PSTPIP1: variants seen among roughly 807,000 people sequenced by gnomAD.
PSTPIP1 encodes the protein proline-serine-threonine phosphatase-interacting protein 1.
A neutral mutation model predicts 69.6 loss-of-function variants in PSTPIP1; 66 were observed. That is an observed-to-expected ratio of 0.95 (90% confidence interval 0.78 to 1.16). The LOEUF is 1.16. Among genes scored for constraint, PSTPIP1 ranks in the 50% most tolerant of loss-of-function variants. The probability of loss-of-function intolerance (pLI) is 0.00; values close to 1 mark genes in which losing one functional copy is unlikely to be tolerated. For missense variants in PSTPIP1, 603 were observed against 557.4 expected, an observed-to-expected ratio of 1.08 and a Z score of -0.82; for synonymous variants, 266 against 222.7, an observed-to-expected ratio of 1.19 and a Z score of -1.73.
At position 77,018,214 on chromosome 15, in the gene PSTPIP1, A is replaced by G. The variant is rs1390777922; in HGVS notation, c.103A>G (p.Met35Val). 5.7e-6 allele frequency: 9 copies of G among 1,588,020 alleles called. No individual in the cohort carries two copies. The highest frequency in any genetic ancestry group is 7.7e-6 in the Non-Finnish European group (9 of 1,168,176). ...GCAGCGGCTTCTGGATGGCAGGAAG[A>G]TGTGCAAAGACATGGAGGAGCTACT... is the stretch of plus-strand genomic sequence containing the variant. ...LLQRLLDGRK[M>V]CKDMEELLRQ... The change falls in exon 2 of 15, where the codon ATG (methionine) becomes GTG (valine). Residue 35 changes from methionine to valine, a missense_variant. Physicochemically the swap from Met to Val is conservative, Grantham distance 21. Transcript: ENST00000558012.
chr15:77,030,096 G>A (rs555175503), intron 8 of PSTPIP1, among the ~76,000 whole-genome samples: 33 of 152,190 alleles, frequency 2.2e-4, no homozygotes, highest in Admixed American at 1.9e-3. Flanking sequence ...CCCTCGGCTG[G>A]GGGACAGGTG....
At chr15:77,025,956 T>C (rs747292223) in intron 5 of PSTPIP1, among the ~76,000 whole-genome samples, 2 of 152,070 alleles carry the variant, frequency 1.3e-5, no homozygotes, top group Non-Finnish European at 2.9e-5. Context: ...TGGAAACTGG[T>C]CTTGAGTCCA....
In PSTPIP1 at chr15:77,035,914, G is replaced by A. The variant is rs35538044; in HGVS notation, c.1098G>A (p.Ala366=). 7,626 of 1,607,234 alleles carry A rather than the reference G, an allele frequency of 4.7e-3. 21 individuals carry two copies. Among genetic ancestry groups the A allele is most frequent in the Non-Finnish European group, 5.3e-3 (6,298 of 1,178,328 alleles). ...CCTCACCAGCCCAGGAGTACCGGGC[G>A]CTCTACGATTATACAGCGCAGGTGA... ...NPASPAQEYR[A]LYDYTAQNPD... The change falls in exon 14 of 15, where the codon GCG becomes GCA. Residue 366 remains alanine (A), a synonymous_variant. Transcript: ENST00000558012.
chr15:77,030,314 G>A (rs530609484), intron 8 of PSTPIP1, among the ~76,000 whole-genome samples, 188 bp from the exon 9 acceptor site: 33 of 152,372 alleles, frequency 2.2e-4, no homozygotes, highest in African/African-American at 7.7e-4. Flanking sequence ...CACAGTTGGG[G>A]AGCAGCAGCA....
chr15:77,025,241 G>A (rs771394337), intron 3 of PSTPIP1, 43 bp from the exon 4 acceptor site: 21 of 1,575,178 alleles, frequency 1.3e-5, no homozygotes, highest in Middle Eastern at 1.7e-4. Flanking sequence ...GTAGGTTCCC[G>A]CTGTGCTCTC....
intron 8 of PSTPIP1, 133 bp from the exon 9 acceptor site, chr15:77,030,369 C>A (rs1596119895): frequency 1.1e-6 from 1 of 887,824 alleles, no homozygotes; most frequent in Non-Finnish European, 1.8e-6. Context: ...TGAGGCCCCG[C>A]CATCTGCTAG....
At chr15:77,006,372 C>G (rs1311603330) in intron 1 of PSTPIP1, among the ~76,000 whole-genome samples, 1 of 152,160 alleles carries the variant, frequency 6.6e-6, no homozygotes, top group Non-Finnish European at 1.5e-5. Context: ...CATCCTTTAT[C>G]AGATATATGA....
chr15:77,002,024 C>T (rs952841499), intron 1 of PSTPIP1, among the ~76,000 whole-genome samples: 5 of 152,190 alleles, frequency 3.3e-5, no homozygotes, highest in African/African-American at 1.2e-4. Flanking sequence ...TTTCAAGTCC[C>T]ATGAAGAATT....
chr15:77,018,030 C>G, intron 1 of PSTPIP1, 118 bp from the exon 2 acceptor site: 1 of 1,008,570 alleles, frequency 9.9e-7, no homozygotes, highest in Non-Finnish European at 1.5e-6. Flanking sequence ...TTGCCCTGAG[C>G]AGGGGAGATG....
In PSTPIP1 at chr15:77,014,468, C is replaced by A. The variant is rs553746004; in HGVS notation, c.37-3680C>A. Among the ~76,000 whole-genome samples the A allele has an allele frequency of 1.2e-4, 19 of 152,342 alleles. No homozygotes were observed. The East Asian group carries it at 3.3e-3, about 26-fold the overall frequency. On this transcript the variant is annotated intron_variant, in intron 1 of 14. Transcript: ENST00000558012. ...AAACAGGCCCGAGTACCCTCTCTGA[C>A]CTGTGGCCTACACTAACAGGACTGT... is the stretch of plus-strand genomic sequence containing the variant.
At chr15:77,000,460 G>GATATATATATAGATATATAT (rs2075678520) in intron 1 of PSTPIP1, among the ~76,000 whole-genome samples, 1 of 141,694 alleles carries the variant, frequency 7.1e-6, no homozygotes, top group African/African-American at 2.6e-5. Context: ...TTTAAAGAGA[G>GATATATATATAGATATATAT]ATATATATAT....
At chr15:77,021,344 A>G (rs1475539766) in intron 3 of PSTPIP1, among the ~76,000 whole-genome samples, 3 of 152,226 alleles carry the variant, frequency 2.0e-5, no homozygotes, top group African/African-American at 7.2e-5. Context: ...TGGACAAGTA[A>G]GACCCAGTCC....
chr15:76,994,883 A>T, upstream of PSTPIP1: 4 of 1,288,088 alleles, frequency 3.1e-6, no homozygotes, highest in Non-Finnish European at 4.0e-6. Flanking sequence ...CCAGCCTGGA[A>T]GGGTGCTGGA....
At chr15:77,033,661 C>T (rs923440363) in intron 12 of PSTPIP1, among the ~76,000 whole-genome samples, 1 of 152,108 alleles carries the variant, frequency 6.6e-6, no homozygotes, top group East Asian at 1.9e-4. Context: ...ACCCTTCAAC[C>T]AAGAAGGCCC....
At chr15:77,032,556 G>C in intron 11 of PSTPIP1, 162 bp downstream of exon 11, 1 of 712,990 alleles carries the variant, frequency 1.4e-6, no homozygotes, top group Non-Finnish European at 2.3e-6. Context: ...TCCCAGGCCT[G>C]CTGCCTCCTC....
Position 77,025,542 on chromosome 15 carries a change from C to T in PSTPIP1, c.292C>T (p.Leu98=). 1 of 1,555,372 alleles carries T rather than the reference C, an allele frequency of 6.4e-7. No homozygotes were observed. The highest frequency in any genetic ancestry group is 1.2e-5 in the South Asian group (1 of 84,474). ...CTCACACATCCAGCTGGCCCTGACC[C>T]TGCGTGAGGAGCTGCGGAGTCTCGA... The part of the protein sequence containing the change: ...GSSHIQLALT[L]REELRSLEEF... Residue 98 remains leucine, a synonymous_variant, in exon 5 of 15, where the codon CTG becomes TTG. Coordinates refer to ENST00000558012, the MANE Select transcript of PSTPIP1 (RefSeq NM_003978.5).
intron 1 of PSTPIP1, chr15:77,015,820 G>T: frequency 2.4e-6 from 1 of 423,720 alleles, no homozygotes; most frequent in Admixed American, 2.5e-5. Context: ...CACTTCCTCG[G>T]AACATCCCAG....
chr15:76,999,815 A>C (rs2075659452), intron 1 of PSTPIP1, among the ~76,000 whole-genome samples: 1 of 152,210 alleles, frequency 6.6e-6, no homozygotes, highest in Admixed American at 6.5e-5. Flanking sequence ...CAGGTCCCCC[A>C]TCCCCCGCAA....
At chr15:77,002,536 C>T (rs1254491002) in intron 1 of PSTPIP1, among the ~76,000 whole-genome samples, 6 of 152,226 alleles carry the variant, frequency 3.9e-5, no homozygotes, top group Admixed American at 3.9e-4. Context: ...ATGCCCTTTT[C>T]CACATGCTCG....
Sources: allele counts gnomAD v4.1 joint callset (sites outside exome capture counted in the v4.1 genomes callset), GRCh38; gene constraint gnomAD v4.1.1; transcripts MANE v1.5; gene names NCBI Gene and HGNC (gene_info 2026-07-23, HGNC 2026-07-21).